Variants in CIMAP1D observed in about 807,000 individuals in gnomAD.
CIMAP1D encodes protein CIMAP1D.
At chr19:464,316 G>A in the CIMAP1D span, 5 of 1,539,802 alleles carry the variant, frequency 3.2e-6, no homozygotes, top group East Asian at 2.4e-5. Flanking sequence ...GCGCACAGGG[G>A]GCACCTTCTC....
At chr19:475,075 G>C in the CIMAP1D span, 4 of 265,506 alleles carry the variant, frequency 1.5e-5, no homozygotes, top group Middle Eastern at 2.1e-3. Flanking sequence ...CTGGGGCCAG[G>C]GCCGGCCCCA....
chr19:473,481 C>T, the CIMAP1D span, among the ~76,000 whole-genome samples: 2 of 60,868 alleles, frequency 3.3e-5, no homozygotes, highest in African/African-American at 1.2e-4. Context: ...CAGAGATACA[C>T]GGTCACAGAT....
chr19:464,210 A>AG, the CIMAP1D span: 1 of 1,514,856 alleles, frequency 6.6e-7, no homozygotes, highest in African/African-American at 1.4e-5. Context: ...AGCCCCACAG[A>AG]GGGGGCATGG....
the CIMAP1D span, chr19:472,320 G>T: frequency 1.2e-6 from 1 of 866,462 alleles, no homozygotes. Flanking sequence ...TAAGGGGTAA[G>T]GAGACCCATC....
chr19:472,334 G>A, the CIMAP1D span: 1 of 1,007,296 alleles, frequency 9.9e-7, no homozygotes, highest in Non-Finnish European at 1.4e-6. Context: ...ACCCATCAGT[G>A]CTCCTGGGGG....
At chr19:463,980 G>A in the CIMAP1D span, 1 of 1,610,492 alleles carries the variant, frequency 6.2e-7, no homozygotes. Context: ...GACCTGCTCT[G>A]GGCAGTGGGC....
chr19:481,605 C>G, the CIMAP1D span, among the ~76,000 whole-genome samples: 4 of 146,066 alleles, frequency 2.7e-5, no homozygotes, highest in Non-Finnish European at 4.5e-5. Context: ...ATGGGAAGGA[C>G]AATGGGAGGA....
chr19:480,686 G>GA, the CIMAP1D span, among the ~76,000 whole-genome samples: 4 of 102,222 alleles, frequency 3.9e-5, no homozygotes, highest in East Asian at 4.2e-4. Context: ...GATGGAGAAC[G>GA]ATGATGGAGA....
the CIMAP1D span, among the ~76,000 whole-genome samples, chr19:475,986 ATTTTTTT>A: frequency 1.5e-4 from 6 of 39,274 alleles, no homozygotes; most frequent in Non-Finnish European, 2.0e-4. Flanking sequence ...CGCCTGGCTA[ATTTTTTT>A]TTTTTTTTTT....
chr19:475,005 TC>T, the CIMAP1D span: 379 of 377,902 alleles, frequency 1.0e-3, 3 homozygotes, highest in African/African-American at 7.4e-3. Context: ...GGCTGGATGG[TC>T]CAGGAAAGAG....
At chr19:466,770 T>A in the CIMAP1D span, among the ~76,000 whole-genome samples, 2 of 112,738 alleles carry the variant, frequency 1.8e-5, no homozygotes, top group African/African-American at 3.6e-5. Context: ...GGTGGGTGGA[T>A]GGATGAGTGG....
the CIMAP1D span, among the ~76,000 whole-genome samples, chr19:483,788 G>A: frequency 6.6e-6 from 1 of 152,170 alleles, no homozygotes; most frequent in Non-Finnish European, 1.5e-5. Flanking sequence ...GGCCGGCTCT[G>A]GGATCAACAC....
the CIMAP1D span, chr19:463,657 C>T: frequency 1.2e-6 from 1 of 855,860 alleles, no homozygotes; most frequent in African/African-American, 1.7e-5. Flanking sequence ...GCACCCTGCA[C>T]AGGGCCATGG....
chr19:491,010 T>A, the CIMAP1D span, among the ~76,000 whole-genome samples: 1 of 152,092 alleles, frequency 6.6e-6, no homozygotes, highest in Admixed American at 6.6e-5. Flanking sequence ...GAGACAGAAT[T>A]GCTTAAACCT....
chr19:471,937 G>A, the CIMAP1D span, among the ~76,000 whole-genome samples: 1 of 152,082 alleles, frequency 6.6e-6, no homozygotes, highest in African/African-American at 2.4e-5. Flanking sequence ...TAGTAGAGAT[G>A]GGGTTTCACT....
chr19:475,554 C>T, the CIMAP1D span, among the ~76,000 whole-genome samples: 9 of 152,172 alleles, frequency 5.9e-5, no homozygotes, highest in South Asian at 1.2e-3. Flanking sequence ...AGGAGGCAGC[C>T]GTGCAGAGGC....
the CIMAP1D span, among the ~76,000 whole-genome samples, chr19:464,926 G>C: frequency 6.8e-6 from 1 of 146,912 alleles, no homozygotes; most frequent in Non-Finnish European, 1.5e-5. Context: ...ATGGATGGAT[G>C]GATGGAACGG....
At chr19:470,055 G>A in the CIMAP1D span, among the ~76,000 whole-genome samples, 1 of 152,096 alleles carries the variant, frequency 6.6e-6, no homozygotes, top group Non-Finnish European at 1.5e-5. Flanking sequence ...CAGATCCCAT[G>A]TTCCACTTCC....
the CIMAP1D span, among the ~76,000 whole-genome samples, chr19:466,293 G>A: frequency 2.8e-5 from 4 of 141,230 alleles, no homozygotes; most frequent in African/African-American, 5.2e-5. Flanking sequence ...GTGGGTGGAT[G>A]GATGAGTGGA....
Sources: allele counts gnomAD v4.1 joint callset (sites outside exome capture counted in the v4.1 genomes callset), GRCh38; gene constraint gnomAD v4.1.1; transcripts MANE v1.5; gene names NCBI Gene and HGNC (gene_info 2026-07-23, HGNC 2026-07-21).